Variants in KAZN observed in about 807,000 individuals in gnomAD.
The protein encoded by KAZN is kazrin, periplakin interacting protein.
In KAZN, 40 loss-of-function variants were observed where a neutral mutation model predicts 87.4. The ratio of observed to expected loss-of-function variants is 0.46; its 90% CI spans 0.36 to 0.60. The LOEUF is 0.60. Ranked by LOEUF, KAZN falls within the 20% of genes least tolerant of loss-of-function variation. The pLI, the probability that KAZN is intolerant of heterozygous loss-of-function variation, is 0.00. For synonymous variants in KAZN, 466 were observed against 458.3 expected (o/e 1.02, Z -0.22); for missense variants, 898 against 1,073.9 (o/e 0.84, Z 2.29).
intron 2 of KAZN, among the ~76,000 whole-genome samples, chr1:14,195,004 C>T (rs1646497285): frequency 6.6e-6 from 1 of 152,140 alleles, no homozygotes; most frequent in Admixed American, 6.5e-5. Context: ...CAAGGAGGCA[C>T]AATTAAGCTG....
intron 2 of KAZN, among the ~76,000 whole-genome samples, chr1:14,419,445 G>T (rs1036848874): frequency 2.0e-5 from 3 of 152,128 alleles, no homozygotes; most frequent in Admixed American, 2.0e-4. Context: ...CAAAGCCTGT[G>T]CTCTGTCCAA....
At chr1:14,058,225 A>C (rs1028678001) in intron 1 of KAZN, among the ~76,000 whole-genome samples, 3 of 152,094 alleles carry the variant, frequency 2.0e-5, no homozygotes, top group African/African-American at 7.2e-5. Context: ...AGGGACTCCC[A>C]CACAGACCCC....
At chr1:15,015,928 C>T (rs556437987) in intron 2 of KAZN, among the ~76,000 whole-genome samples, 118 of 152,298 alleles carry the variant, frequency 7.7e-4, no homozygotes, top group Non-Finnish European at 1.1e-3. Context: ...GAGGGCAGGG[C>T]GCCCCCACTT....
chr1:14,447,990 G>C (rs1667076562), intron 2 of KAZN, among the ~76,000 whole-genome samples: 1 of 152,238 alleles, frequency 6.6e-6, no homozygotes, highest in Non-Finnish European at 1.5e-5. Context: ...GCAGGAGAGA[G>C]TAGGGGACCT....
chr1:15,070,892 C>T (rs937525496), intron 8 of KAZN, among the ~76,000 whole-genome samples: 5 of 152,288 alleles, frequency 3.3e-5, no homozygotes, highest in Admixed American at 3.3e-4. Context: ...CAAAAACTTG[C>T]ATTTTCCCAG....
chr1:13,907,099 G>A (rs1027903181), intron 1 of KAZN, among the ~76,000 whole-genome samples: 4 of 152,194 alleles, frequency 2.6e-5, no homozygotes, highest in Admixed American at 2.6e-4. Flanking sequence ...CTCTTTTGAT[G>A]TGGTGTCTCT....
chr1:14,350,116 A>G (rs1436642514), intron 2 of KAZN, among the ~76,000 whole-genome samples: 1 of 144,194 alleles, frequency 6.9e-6, no homozygotes. Flanking sequence ...CCTGGGCAAC[A>G]GAGCAAGACT....
intron 2 of KAZN, among the ~76,000 whole-genome samples, chr1:14,461,319 T>C (rs1033491072): frequency 3.9e-5 from 6 of 152,222 alleles, no homozygotes; most frequent in African/African-American, 1.2e-4. Context: ...TGAGAGATGA[T>C]TGAATCATGG....
chr1:14,725,031 G>A (rs1245185758), intron 1 of KAZN, among the ~76,000 whole-genome samples: 1 of 152,200 alleles, frequency 6.6e-6, no homozygotes, highest in South Asian at 2.1e-4. Context: ...TGAAAAATCG[G>A]TGTAAACAGG....
At chr1:14,588,194 T>G (rs931952694) in intron 2 of KAZN, among the ~76,000 whole-genome samples, 1 of 152,206 alleles carries the variant, frequency 6.6e-6, no homozygotes, top group Non-Finnish European at 1.5e-5. Context: ...TTGCCACTTC[T>G]CATTTTCATA....
At chr1:15,058,277 G>T (rs868641401) in intron 5 of KAZN, among the ~76,000 whole-genome samples, 1 of 152,214 alleles carries the variant, frequency 6.6e-6, no homozygotes, top group African/African-American at 2.4e-5. Context: ...GCTCAGAGGG[G>T]CTAGGGAGGA....
At chr1:14,301,152 T>C (rs1354367789) in intron 2 of KAZN, among the ~76,000 whole-genome samples, 1 of 152,132 alleles carries the variant, frequency 6.6e-6, no homozygotes, top group Non-Finnish European at 1.5e-5. Flanking sequence ...ACCCAGACCA[T>C]AGGGAATTCA....
chr1:14,158,499 C>A (rs1485541167), intron 1 of KAZN, among the ~76,000 whole-genome samples: 2 of 152,088 alleles, frequency 1.3e-5, no homozygotes, highest in Admixed American at 6.6e-5. Flanking sequence ...TTTGATAGAA[C>A]TCTGAATTCC....
rs1651372001 is a variant in KAZN, at chr1:14,265,110, AC to A, written c.249+84519del. On this transcript the variant is annotated intron_variant, in intron 2 of 16. Transcript: ENST00000636203. ...AAGTGTTTTATTTTCCATAACTAGC[AC>A]AAAGTTGAATTTTGGCCCAGATGGT... Among the ~76,000 whole-genome samples, 3 of 152,336 alleles carry A rather than the reference AC, an allele frequency of 2.0e-5. No individual in the cohort carries two copies. The South Asian group carries it at 6.2e-4, about 32-fold the overall frequency.
chr1:14,690,540 T>C (rs75222738), intron 1 of KAZN, among the ~76,000 whole-genome samples: 1 of 150,772 alleles, frequency 6.6e-6, no homozygotes, highest in African/African-American at 2.4e-5. Context: ...GAGGGAAGGG[T>C]TTTTTTTTCA....
chr1:14,719,182 G>A (rs1453054118), intron 1 of KAZN, among the ~76,000 whole-genome samples: 2 of 152,214 alleles, frequency 1.3e-5, no homozygotes, highest in East Asian at 3.8e-4. Flanking sequence ...ATACAAGGTA[G>A]TAGGCAATGA....
intron 2 of KAZN, among the ~76,000 whole-genome samples, chr1:14,475,632 T>C (rs1668675763): frequency 6.6e-6 from 1 of 152,232 alleles, no homozygotes. Context: ...GGAAGTGTTA[T>C]AAACTATTCA....
At chr1:14,812,460 A>T (rs1414765107) in intron 1 of KAZN, among the ~76,000 whole-genome samples, 2 of 152,156 alleles carry the variant, frequency 1.3e-5, no homozygotes, top group Admixed American at 6.5e-5. Flanking sequence ...ATGTGGACAA[A>T]TTCAGCAATT....
intron 2 of KAZN, among the ~76,000 whole-genome samples, chr1:14,967,877 A>T (rs551746606): frequency 6.6e-6 from 1 of 152,324 alleles, no homozygotes; most frequent in East Asian, 1.9e-4. Context: ...CAGAACTACT[A>T]TAAGAACATT....
Sources: gnomAD v4.1 joint callset for allele counts (sites outside exome capture counted in the v4.1 genomes callset) on GRCh38, gnomAD v4.1.1 for gene constraint, MANE v1.5 for transcripts, NCBI Gene and HGNC (gene_info 2026-07-23, HGNC 2026-07-21) for gene names.